Variants in DENND1B observed in about 807,000 individuals in gnomAD.
The protein encoded by DENND1B is DENN domain-containing protein 1B.
A neutral mutation model predicts 90.1 loss-of-function variants in DENND1B; 59 were observed. That is an observed-to-expected ratio of 0.65 (90% CI 0.53 to 0.81). The LOEUF is 0.81. Ranked by LOEUF, DENND1B falls within the 40% of genes least tolerant of loss-of-function variation. DENND1B has a pLI of 0.00. For missense variants in DENND1B, 862 were observed against 912.6 expected (o/e 0.94, Z 0.71); for synonymous variants, 337 against 324.6 (o/e 1.04, Z -0.41).
At chr1:197,546,919 G>A (rs963324498) in intron 16 of DENND1B, 146 bp from the exon 17 acceptor site, 7 of 635,186 alleles carry the variant, frequency 1.1e-5, no homozygotes, top group East Asian at 8.9e-5. Flanking sequence ...AAAATCCAGC[G>A]ATCAACATAT....
intron 3 of DENND1B, among the ~76,000 whole-genome samples, chr1:197,674,476 G>T (rs1349328521): frequency 6.6e-6 from 1 of 152,140 alleles, no homozygotes; most frequent in Non-Finnish European, 1.5e-5. Flanking sequence ...AAGAAGCACC[G>T]CACCATATGG....
At chr1:197,626,952 C>T (rs1678806567) in intron 10 of DENND1B, among the ~76,000 whole-genome samples, 2 of 152,120 alleles carry the variant, frequency 1.3e-5, no homozygotes, top group Admixed American at 6.6e-5. Flanking sequence ...TTCCTCGACA[C>T]ACACACCCTC....
At chr1:197,779,991 G>A (rs1407768326), upstream of DENND1B, among the ~76,000 whole-genome samples, 1 of 152,118 alleles carries the variant, frequency 6.6e-6, no homozygotes, top group Non-Finnish European at 1.5e-5. Flanking sequence ...CTCTGGAGAA[G>A]ATATTAATTT....
intron 10 of DENND1B, among the ~76,000 whole-genome samples, chr1:197,622,640 T>C (rs1678276529): frequency 6.6e-6 from 1 of 151,390 alleles, no homozygotes; most frequent in Admixed American, 6.6e-5. Flanking sequence ...CAACACAGAC[T>C]GTAACTACAG....
intron 2 of DENND1B, among the ~76,000 whole-genome samples, chr1:197,748,349 A>T (rs1652982940): frequency 6.6e-6 from 1 of 152,190 alleles, no homozygotes; most frequent in African/African-American, 2.4e-5. Flanking sequence ...CCAAAGAAGA[A>T]TTTTTAAAAA....
At chr1:197,734,577 T>C in intron 2 of DENND1B, 1 of 981,934 alleles carries the variant, frequency 1.0e-6, no homozygotes, top group Non-Finnish European at 1.2e-6. Flanking sequence ...ATCTTTTTCC[T>C]TCTTTCAAAA....
At position 197,509,053 on chromosome 1, in the gene DENND1B, G is replaced by C. The variant is rs972555731; in HGVS notation, c.*1407C>G. On this transcript the variant is annotated 3_prime_UTR_variant, in exon 23 of 23. Coordinates refer to ENST00000620048, the MANE Select transcript of DENND1B (RefSeq NM_001195215.2). Reference sequence around the variant, plus strand: ...CAGGAAGAACTTTAGAGTGACAAACGCTACCTCAGCCAGGTTATCAAGGTC... The same window carrying C: ...CAGGAAGAACTTTAGAGTGACAAACCCTACCTCAGCCAGGTTATCAAGGTC... 6.6e-6 allele frequency: 1 copy of C among 151,454 alleles called. No homozygotes were observed. The highest frequency in any genetic ancestry group is 1.5e-5 in the Non-Finnish European group (1 of 67,660). The allele number at this position is 151,454 out of a possible 1,614,324, so 9.4% of individuals were successfully genotyped here.
At chr1:197,713,836 ATAT>A (rs1660285120) in intron 3 of DENND1B, among the ~76,000 whole-genome samples, 3 of 8,204 alleles carry the variant, frequency 3.7e-4, no homozygotes, top group Non-Finnish European at 4.7e-4. Flanking sequence ...TATATATAAT[ATAT>A]TATATTATAT....
chr1:197,514,242 C>T (rs1043252751), intron 20 of DENND1B, among the ~76,000 whole-genome samples: 4 of 151,790 alleles, frequency 2.6e-5, no homozygotes, highest in African/African-American at 7.2e-5. Context: ...ACCTTATCAA[C>T]TATTTGACTA....
At chr1:197,551,446 T>C (rs945794743) in intron 16 of DENND1B, among the ~76,000 whole-genome samples, 9 of 152,084 alleles carry the variant, frequency 5.9e-5, no homozygotes, top group African/African-American at 1.7e-4. Flanking sequence ...TTAAGTTGTA[T>C]TGAAAATGCA....
chr1:197,575,414 T>C (rs1218360432), intron 15 of DENND1B, among the ~76,000 whole-genome samples: 3 of 152,096 alleles, frequency 2.0e-5, no homozygotes, highest in Non-Finnish European at 2.9e-5. Context: ...ATGGTGATCA[T>C]TAAAAAGGTA....
At chr1:197,735,739 A>C (rs766752161) in intron 2 of DENND1B, 8 of 1,613,102 alleles carry the variant, frequency 5.0e-6, no homozygotes, top group South Asian at 1.1e-5. Flanking sequence ...CTTAATGCAA[A>C]ATGCGAATCG....
Position 197,505,320 on chromosome 1 carries a change from CTA to C in DENND1B, c.*5138_*5139del, listed in dbSNP as rs1349306247. On this transcript the variant is annotated 3_prime_UTR_variant, in exon 23 of 23. Transcript: ENST00000620048. The stretch of plus-strand genomic sequence containing the variant: ...TGCAGGTTTTAAATTCTGCCTTGTC[CTA>C]AACATCATATAATCAACCAAAGTGT... 7 of 151,558 alleles carry C rather than the reference CTA, an allele frequency of 4.6e-5. No individual in the cohort carries two copies. Among genetic ancestry groups the C allele is most frequent in the African/African-American group, 1.7e-4 (7 of 41,346 alleles). 9.4% of individuals were successfully genotyped at this position (151,558 alleles called of 1,614,324 possible).
chr1:197,701,282 A>C (rs1659002361), intron 3 of DENND1B, among the ~76,000 whole-genome samples: 1 of 152,214 alleles, frequency 6.6e-6, no homozygotes, highest in Non-Finnish European at 1.5e-5. Context: ...CTTTGCAGGG[A>C]CATGGATGAA....
At chr1:197,675,340 A>G (rs1340811807) in intron 3 of DENND1B, among the ~76,000 whole-genome samples, 1 of 152,170 alleles carries the variant, frequency 6.6e-6, no homozygotes, top group Non-Finnish European at 1.5e-5. Context: ...AGACTACAAT[A>G]AAGTGTCAAC....
chr1:197,632,038 C>G (rs1413459977), intron 10 of DENND1B, among the ~76,000 whole-genome samples: 1 of 152,042 alleles, frequency 6.6e-6, no homozygotes, highest in African/African-American at 2.4e-5. Flanking sequence ...GTTTCTAAAA[C>G]CCAACCTCAC....
intron 15 of DENND1B, among the ~76,000 whole-genome samples, chr1:197,573,994 C>A (rs1276206958): frequency 5.3e-5 from 8 of 152,130 alleles, no homozygotes; most frequent in Non-Finnish European, 1.2e-4. Flanking sequence ...CAATATCGTA[C>A]TGAATGGGCA....
At chr1:197,716,857 T>TA (rs1491532234) in intron 2 of DENND1B, among the ~76,000 whole-genome samples, 3 of 151,990 alleles carry the variant, frequency 2.0e-5, no homozygotes, top group Non-Finnish European at 2.9e-5. Context: ...TAAGTATACT[T>TA]ATGTTATTGA....
chr1:197,668,629 A>G (rs1444124325), intron 5 of DENND1B, among the ~76,000 whole-genome samples: 1 of 151,282 alleles, frequency 6.6e-6, no homozygotes. Context: ...GTTTGTATAT[A>G]CTTGAAAACA....
Sources: allele counts gnomAD v4.1 joint callset (sites outside exome capture counted in the v4.1 genomes callset), GRCh38; gene constraint gnomAD v4.1.1; transcripts MANE v1.5; gene names NCBI Gene and HGNC (gene_info 2026-07-23, HGNC 2026-07-21).